Variants in GSDMC observed in about 807,000 individuals in gnomAD.
GSDMC encodes the protein gasdermin C, also known as gasdermin-C.
GSDMC carries 59 observed loss-of-function variants against 58.0 expected under a neutral mutation model. The ratio of observed to expected loss-of-function variants is 1.02; its 90% CI spans 0.82 to 1.26. GSDMC has a LOEUF of 1.26. Ranked by LOEUF, GSDMC falls within the 50% of genes most tolerant of loss-of-function variation. GSDMC has a pLI of 0.00. For synonymous variants in GSDMC, 241 were observed against 220.2 expected, an observed-to-expected ratio of 1.09 and a Z score of -0.83; for missense variants, 659 against 598.5, an observed-to-expected ratio of 1.10 and a Z score of -1.06.
At chr8:129,751,837 C>T (rs770356959) in intron 9 of GSDMC, 25 bp downstream of exon 9, 2 of 1,584,952 alleles carry the variant, frequency 1.3e-6, no homozygotes, top group South Asian at 2.2e-5. Flanking sequence ...ATCCCCACCC[C>T]CACCTCCAGC....
chr8:129,718,365 A>T, the GSDMC span, among the ~76,000 whole-genome samples: 4 of 152,246 alleles, frequency 2.6e-5, no homozygotes, highest in African/African-American at 9.6e-5. Context: ...TGGGCAAAGT[A>T]TATGAACAGA....
intron 1 of GSDMC, among the ~76,000 whole-genome samples, chr8:129,785,685 T>C (rs2034536167): frequency 6.6e-6 from 1 of 152,156 alleles, no homozygotes; most frequent in African/African-American, 2.4e-5. Flanking sequence ...AGACAGAATT[T>C]TCAACAGTTC....
chr8:129,748,605 T>C lies in GSDMC; in HGVS notation c.1423A>G (p.Met475Val), dbSNP rs747867390. The change falls in exon 14 of 14, where the codon ATG becomes GTG. Residue 475 changes from methionine (M) to valine (V), a missense_variant. Physicochemically the swap from Met to Val is conservative, Grantham distance 21. Transcript: ENST00000276708. ...GTTGACCTGGGGTTATCCAGCTCCA[T>C]CCTAAGGCCACACTCCTCCAGCAGG... ...YGLLEECGLR[M>V]ELDNPRSTWD... The C allele has an allele frequency of 1.2e-6, 2 of 1,613,458 alleles. No individual in the cohort carries two copies. Among genetic ancestry groups the C allele is most frequent in the South Asian group, 2.2e-5 (2 of 90,950 alleles).
At chr8:129,724,710 G>A in the GSDMC span, among the ~76,000 whole-genome samples, 8 of 151,996 alleles carry the variant, frequency 5.3e-5, no homozygotes, top group Admixed American at 1.3e-4. Flanking sequence ...GCGAAAAAGC[G>A]TTAGATAGCA....
At chr8:129,714,800 T>C in the GSDMC span, among the ~76,000 whole-genome samples, 1 of 151,912 alleles carries the variant, frequency 6.6e-6, no homozygotes, top group Admixed American at 6.6e-5. Flanking sequence ...AGGAATTATA[T>C]CAAAAGGAAT....
At chr8:129,781,281 A>G (rs367993300) in intron 1 of GSDMC, among the ~76,000 whole-genome samples, 4 of 152,354 alleles carry the variant, frequency 2.6e-5, no homozygotes, top group Middle Eastern at 3.4e-3. Context: ...TGTTACCTAC[A>G]AGAAACACAC....
At chr8:129,773,742 C>T (rs12681515) in intron 3 of GSDMC, among the ~76,000 whole-genome samples, 6,902 of 148,710 alleles carry the variant, frequency 0.046, 262 homozygotes, top group East Asian at 0.2. Context: ...GCCGAGATCA[C>T]GCCATTGTAC....
chr8:129,712,346 C>G, the GSDMC span, among the ~76,000 whole-genome samples: 4 of 152,136 alleles, frequency 2.6e-5, no homozygotes, highest in Admixed American at 2.0e-4. Context: ...TAGTCTAAGA[C>G]TTGAAATTAA....
At chr8:129,773,575 A>G (rs1019014480) in intron 3 of GSDMC, among the ~76,000 whole-genome samples, 9 of 152,134 alleles carry the variant, frequency 5.9e-5, no homozygotes, top group Non-Finnish European at 1.3e-4. Flanking sequence ...ACCTGAGGTC[A>G]GGAGTTCGAG....
chr8:129,727,508 C>T, the GSDMC span, among the ~76,000 whole-genome samples: 1 of 152,112 alleles, frequency 6.6e-6, no homozygotes, highest in Non-Finnish European at 1.5e-5. Context: ...GTCACATTTC[C>T]GTGGGGATCC....
chr8:129,752,882 T>C, intron 6 of GSDMC, 62 bp from the exon 7 acceptor site: 1 of 1,609,904 alleles, frequency 6.2e-7, no homozygotes, highest in Non-Finnish European at 8.5e-7. Flanking sequence ...TACTGCCTTG[T>C]CATAGCAGAG....
At chr8:129,769,895 G>A (rs181231749) in intron 3 of GSDMC, among the ~76,000 whole-genome samples, 4 of 152,188 alleles carry the variant, frequency 2.6e-5, no homozygotes, top group African/African-American at 9.6e-5. Context: ...AATGCAAAAG[G>A]GAGTTCTTCA....
the GSDMC span, among the ~76,000 whole-genome samples, chr8:129,709,590 T>TA: frequency 2.7e-3 from 390 of 146,058 alleles, no homozygotes; most frequent in East Asian, 6.7e-3. Context: ...GATAGATAGA[T>TA]GATAGATAGA....
chr8:129,708,810 G>A, the GSDMC span, among the ~76,000 whole-genome samples: 2 of 152,254 alleles, frequency 1.3e-5, no homozygotes, highest in East Asian at 3.9e-4. Context: ...TTCTTCAGCT[G>A]TAGGTGAACC....
rs1392710438 is a variant in GSDMC at position 129,752,777 on chromosome 8, A to C, written c.765T>G (p.Ser255Arg). The change falls in exon 7 of 14, where the codon AGT becomes AGG. Residue 255 changes from serine (S) to arginine (R), a missense_variant. By Grantham distance (110) the Ser-to-Arg change is moderately radical. Coordinates refer to ENST00000276708, the MANE Select transcript of GSDMC (RefSeq NM_031415.3). Reference sequence around the variant, plus strand: ...TATGAAATGATGGTAGCAACCCCTCACTCCTCGCAGCACAGTAGCCTACCA... The same window carrying C: ...TATGAAATGATGGTAGCAACCCCTCCCTCCTCGCAGCACAGTAGCCTACCA... ...SEMVGYCAARSEGLLPSFHTI... is the reference protein window; with the variant it reads ...SEMVGYCAARREGLLPSFHTI... 11 of 1,613,898 alleles carry C rather than the reference A, an allele frequency of 6.8e-6. No individual in the cohort carries two copies. Among genetic ancestry groups the C allele is most frequent in the Non-Finnish European group, 9.3e-6 (11 of 1,179,986 alleles).
At chr8:129,766,016 A>G (rs2033846264) in intron 3 of GSDMC, among the ~76,000 whole-genome samples, 1 of 152,160 alleles carries the variant, frequency 6.6e-6, no homozygotes, top group Non-Finnish European at 1.5e-5. Flanking sequence ...TATGTACCAT[A>G]TTGTTAAAGG....
At chr8:129,731,579 C>T in the GSDMC span, among the ~76,000 whole-genome samples, 9 of 152,164 alleles carry the variant, frequency 5.9e-5, no homozygotes, top group African/African-American at 9.7e-5. Flanking sequence ...GCTGATGGTG[C>T]GGGTCCAGTC....
downstream of GSDMC, among the ~76,000 whole-genome samples, chr8:129,747,098 A>T (rs1251146257): frequency 1.3e-5 from 2 of 151,960 alleles, no homozygotes; most frequent in South Asian, 2.1e-4. Flanking sequence ...AAAAAAAAAA[A>T]ATACAAAAAT....
intron 1 of GSDMC, among the ~76,000 whole-genome samples, chr8:129,784,267 C>T (rs1303707609): frequency 6.6e-6 from 1 of 152,088 alleles, no homozygotes; most frequent in Non-Finnish European, 1.5e-5. Flanking sequence ...TACAAAGCTT[C>T]CCTCCAGCAA....
Sources: gnomAD v4.1 joint callset for allele counts (sites outside exome capture counted in the v4.1 genomes callset) on GRCh38, gnomAD v4.1.1 for gene constraint, MANE v1.5 for transcripts, NCBI Gene and HGNC (gene_info 2026-07-23, HGNC 2026-07-21) for gene names.